The following SYT1 variants were observed in gnomAD, a reference collection of about 807,000 sequenced individuals.
SYT1 encodes the protein synaptotagmin-1.
In SYT1, 8 loss-of-function variants were observed where a neutral mutation model predicts 44.8. The ratio of observed to expected loss-of-function variants is 0.18; its 90% CI spans 0.10 to 0.32. The LOEUF (loss-of-function observed/expected upper bound fraction) is 0.32, where lower values mean the gene tolerates loss of function less well. Among genes scored for constraint, SYT1 ranks in the 10% least tolerant of loss-of-function variants. The pLI is 1.00. For synonymous variants in SYT1, 154 were observed against 188.8 expected, an observed-to-expected ratio of 0.82 and a Z score of 1.51; for missense variants, 286 against 509.3, an observed-to-expected ratio of 0.56 and a Z score of 4.22.
chr12:79,381,899 A>G (rs1019483953), intron 9 of SYT1, among the ~76,000 whole-genome samples: 1 of 152,212 alleles, frequency 6.6e-6, no homozygotes, highest in Non-Finnish European at 1.5e-5. Flanking sequence ...ATAGAGTATT[A>G]TAATGATTTC....
chr12:78,966,414 C>T (rs1879777780), intron 1 of SYT1, among the ~76,000 whole-genome samples: 1 of 152,100 alleles, frequency 6.6e-6, no homozygotes, highest in African/African-American at 2.4e-5. Context: ...TTTCTCTAGG[C>T]CAGTGTGTGT....
intron 9 of SYT1, among the ~76,000 whole-genome samples, chr12:79,395,149 G>A (rs748149810): frequency 6.6e-6 from 1 of 152,086 alleles, no homozygotes; most frequent in Non-Finnish European, 1.5e-5. Context: ...AATAAACCAT[G>A]GCTGCATTTA....
At chr12:79,376,791 G>A (rs1410045284) in intron 9 of SYT1, among the ~76,000 whole-genome samples, 1 of 152,092 alleles carries the variant, frequency 6.6e-6, no homozygotes, top group Non-Finnish European at 1.5e-5. Context: ...CACAGGTAGG[G>A]TAAATGGCCC....
intron 2 of SYT1, among the ~76,000 whole-genome samples, chr12:79,046,096 C>T (rs1874031704): frequency 6.6e-6 from 1 of 152,140 alleles, no homozygotes; most frequent in African/African-American, 2.4e-5. Context: ...AACCTAGGTG[C>T]ATTTTAACAT....
intron 9 of SYT1, among the ~76,000 whole-genome samples, chr12:79,371,338 A>C (rs1305617681): frequency 6.6e-6 from 1 of 152,200 alleles, no homozygotes; most frequent in Non-Finnish European, 1.5e-5. Context: ...TAGAAACCTC[A>C]ACTCTAGAAG....
At chr12:79,420,658 A>G (rs1489691136) in intron 9 of SYT1, among the ~76,000 whole-genome samples, 2 of 152,140 alleles carry the variant, frequency 1.3e-5, no homozygotes, top group African/African-American at 4.8e-5. Context: ...AAGTAGCACA[A>G]GAGAGATATG....
chr12:78,983,760 G>A (rs559933363), intron 2 of SYT1, among the ~76,000 whole-genome samples: 12 of 152,086 alleles, frequency 7.9e-5, no homozygotes, highest in Admixed American at 4.6e-4. Flanking sequence ...TAAAAATTTC[G>A]TGTTTGAAGT....
intron 9 of SYT1, among the ~76,000 whole-genome samples, chr12:79,421,692 TTTTG>T (rs1179125693): frequency 6.6e-6 from 1 of 150,782 alleles, no homozygotes; most frequent in Non-Finnish European, 1.5e-5. Flanking sequence ...GTGACACTTT[TTTTG>T]TTTTTTTGTT....
intron 3 of SYT1, among the ~76,000 whole-genome samples, chr12:79,073,049 C>T (rs1233467777): frequency 6.6e-6 from 1 of 151,980 alleles, no homozygotes; most frequent in Non-Finnish European, 1.5e-5. Context: ...TAGGTAATGA[C>T]AAGGACAAGT....
At chr12:78,887,686 C>T (rs925926998) in intron 1 of SYT1, among the ~76,000 whole-genome samples, 1 of 151,744 alleles carries the variant, frequency 6.6e-6, no homozygotes, top group South Asian at 2.1e-4. Flanking sequence ...GACAAGAGCT[C>T]CTCATAAGTA....
intron 2 of SYT1, among the ~76,000 whole-genome samples, chr12:79,015,209 A>G (rs1261362829): frequency 1.3e-5 from 2 of 152,170 alleles, no homozygotes; most frequent in East Asian, 3.9e-4. Context: ...CTTAAAGTAT[A>G]ATAATAATAA....
At chr12:78,963,272 C>A (rs919802398) in intron 1 of SYT1, among the ~76,000 whole-genome samples, 1 of 151,896 alleles carries the variant, frequency 6.6e-6, no homozygotes, top group East Asian at 1.9e-4. Flanking sequence ...GCAATGATTT[C>A]GTGAGTCTGA....
At chr12:79,094,896 G>C (rs1878021851) in intron 3 of SYT1, among the ~76,000 whole-genome samples, 1 of 151,866 alleles carries the variant, frequency 6.6e-6, no homozygotes, top group African/African-American at 2.4e-5. Flanking sequence ...AGAGCAAAAA[G>C]ATACAGGCTG....
intron 1 of SYT1, among the ~76,000 whole-genome samples, chr12:78,871,466 A>G (rs1873815974): frequency 6.6e-6 from 1 of 152,016 alleles, no homozygotes; most frequent in Non-Finnish European, 1.5e-5. Flanking sequence ...ATCCTATGCC[A>G]TACAAACAGT....
At chr12:79,040,487 A>G (rs1337228093) in intron 2 of SYT1, among the ~76,000 whole-genome samples, 4 of 151,892 alleles carry the variant, frequency 2.6e-5, no homozygotes, top group Admixed American at 2.6e-4. Flanking sequence ...TTTTTCTTGT[A>G]AATTTGTTTG....
At chr12:79,425,259 A>G (rs1016584349) in intron 9 of SYT1, among the ~76,000 whole-genome samples, 20 of 152,012 alleles carry the variant, frequency 1.3e-4, no homozygotes, top group Non-Finnish European at 5.9e-5. Flanking sequence ...ATTTCATATC[A>G]TCTAGCAAAG....
At chr12:79,179,393 G>GATATAGATATAGATATATCTATAT (rs370886492) in intron 3 of SYT1, among the ~76,000 whole-genome samples, 4 of 58,550 alleles carry the variant, frequency 6.8e-5, no homozygotes, top group Non-Finnish European at 2.8e-5. Context: ...TATCGATATA[G>GATATAGATATAGATATATCTATAT]ATATCCATAT....
chr12:79,428,972 G>A (rs1170568132), intron 9 of SYT1, among the ~76,000 whole-genome samples: 3 of 152,088 alleles, frequency 2.0e-5, no homozygotes, highest in Non-Finnish European at 4.4e-5. Flanking sequence ...AAGAGAGAGA[G>A]TGGGAGGAAA....
intron 1 of SYT1, among the ~76,000 whole-genome samples, chr12:78,920,695 A>C (rs901844208): frequency 6.6e-6 from 1 of 151,928 alleles, no homozygotes; most frequent in Non-Finnish European, 1.5e-5. Context: ...GGCAATTCAA[A>C]ACCTTCTATG....
Sources: gnomAD v4.1 joint callset for allele counts (sites outside exome capture counted in the v4.1 genomes callset) on GRCh38, gnomAD v4.1.1 for gene constraint, MANE v1.5 for transcripts, NCBI Gene and HGNC (gene_info 2026-07-23, HGNC 2026-07-21) for gene names.